Variants in NEXN observed in about 807,000 individuals in gnomAD.
NEXN encodes nexilin.
In NEXN, 65 loss-of-function variants were observed where a neutral mutation model predicts 92.6. The observed-to-expected ratio is 0.70, with a 90% CI of 0.57 to 0.86. The LOEUF (loss-of-function observed/expected upper bound fraction) is 0.86, where lower values mean the gene tolerates loss of function less well. Ranked by LOEUF, NEXN falls within the 40% of genes least tolerant of loss-of-function variation. The pLI, the probability that NEXN is intolerant of heterozygous loss-of-function variation, is 0.00. For synonymous variants in NEXN, 254 were observed against 242.5 expected (o/e 1.05, Z -0.44); for missense variants, 778 against 771.1 (o/e 1.01, Z -0.11).
intron 1 of NEXN, among the ~76,000 whole-genome samples, chr1:77,891,088 C>T (rs545514178): frequency 6.6e-6 from 1 of 152,116 alleles, no homozygotes; most frequent in African/African-American, 2.4e-5. Context: ...GAAATGGCTA[C>T]ATTTTCCTTT....
chr1:77,930,657 CTT>C (rs1379672655), intron 9 of NEXN, among the ~76,000 whole-genome samples: 1 of 144,102 alleles, frequency 6.9e-6, no homozygotes, highest in African/African-American at 2.4e-5. Context: ...TGAATCTGCT[CTT>C]TGTTCCAAAT....
At chr1:77,928,162 A>G (rs1193880167) in intron 8 of NEXN, among the ~76,000 whole-genome samples, 1 of 151,962 alleles carries the variant, frequency 6.6e-6, no homozygotes, top group Non-Finnish European at 1.5e-5. Context: ...AAATACAAAA[A>G]TTAGCCAGGT....
At chr1:77,911,775 A>C (rs1008468678) in intron 1 of NEXN, among the ~76,000 whole-genome samples, 1 of 150,912 alleles carries the variant, frequency 6.6e-6, no homozygotes, top group East Asian at 1.9e-4. Context: ...ATATATTCCA[A>C]AATCCAAAAA....
chr1:77,935,461 T>C (rs1650672751), intron 10 of NEXN, among the ~76,000 whole-genome samples: 1 of 152,262 alleles, frequency 6.6e-6, no homozygotes, highest in South Asian at 2.1e-4. Context: ...CAGAGGATTT[T>C]AGCCATATTT....
At chr1:77,941,909 A>G in intron 11 of NEXN, 114 bp from the exon 12 acceptor site, 1 of 1,046,910 alleles carries the variant, frequency 9.6e-7, no homozygotes, top group Admixed American at 2.1e-5. Context: ...TGTAGCAAAA[A>G]TATGCATTAT....
intron 1 of NEXN, among the ~76,000 whole-genome samples, chr1:77,904,121 T>C (rs914178162): frequency 5.9e-5 from 9 of 151,986 alleles, no homozygotes; most frequent in African/African-American, 2.2e-4. Flanking sequence ...GCCTTCCTAG[T>C]AGCTGACATA....
At position 77,936,008 on chromosome 1, in the gene NEXN, T is replaced by C; in HGVS notation, c.1437T>C (p.Leu479=). 1 of 1,613,798 alleles carries C rather than the reference T, an allele frequency of 6.2e-7. No homozygotes were observed. Residue 479 remains leucine, a synonymous_variant, in exon 11 of 13, where the codon CTT becomes CTC. Coordinates refer to ENST00000334785, the MANE Select transcript of NEXN (RefSeq NM_144573.4). ...EERARRRAID[L]EIKEREAENF... Reference sequence around the variant, plus strand: ...GAGCAAGAAGGAGAGCAATTGACCTTGAAATTAAAGAGCGAGAAGCTGAAA... The same window carrying C: ...GAGCAAGAAGGAGAGCAATTGACCTCGAAATTAAAGAGCGAGAAGCTGAAA...
At chr1:77,928,720 C>T (rs961840384) in intron 8 of NEXN, among the ~76,000 whole-genome samples, 3 of 151,982 alleles carry the variant, frequency 2.0e-5, no homozygotes, top group Non-Finnish European at 2.9e-5. Flanking sequence ...TATTTTACTA[C>T]CAAAGAGATT....
intron 1 of NEXN, chr1:77,889,226 C>T (rs1167646750): frequency 6.5e-6 from 1 of 152,896 alleles, no homozygotes; most frequent in Non-Finnish European, 1.5e-5. Flanking sequence ...CGGTCTCCGT[C>T]TCTGCCAGCA....
intron 1 of NEXN, among the ~76,000 whole-genome samples, chr1:77,895,267 G>T (rs1324138571): frequency 6.6e-6 from 1 of 151,532 alleles, no homozygotes; most frequent in Non-Finnish European, 1.5e-5. Context: ...GGATGGTCTC[G>T]ATCTCCTGAC....
chr1:77,915,999 T>C, intron 1 of NEXN, 56 bp from the exon 2 acceptor site: 2 of 546,482 alleles, frequency 3.7e-6, no homozygotes, highest in Non-Finnish European at 2.7e-6. Flanking sequence ...TTTATAAAAA[T>C]ACATAATATA....
chr1:77,935,598 TAAG>T (rs1650684459), intron 10 of NEXN, among the ~76,000 whole-genome samples: 1 of 152,234 alleles, frequency 6.6e-6, no homozygotes. Flanking sequence ...TGGTTTCAAA[TAAG>T]AAATAGTGCA....
chr1:77,908,646 C>T (rs186382199), intron 1 of NEXN, among the ~76,000 whole-genome samples: 2 of 151,906 alleles, frequency 1.3e-5, no homozygotes, highest in East Asian at 3.9e-4. Context: ...GTGATCTGCC[C>T]GCCTCAACCT....
chr1:77,910,578 C>G (rs1557968656), intron 1 of NEXN, among the ~76,000 whole-genome samples: 2 of 151,930 alleles, frequency 1.3e-5, no homozygotes, highest in South Asian at 4.2e-4. Context: ...TAGTGAAACC[C>G]TGTCTCTACT....
At position 77,933,450 on chromosome 1, in the gene NEXN, T is replaced by C. The variant is rs794729083; in HGVS notation, c.1222T>C (p.Phe408Leu). 3.1e-6 allele frequency: 5 copies of C among 1,612,614 alleles called. No homozygotes were observed. The highest frequency in any genetic ancestry group is 1.3e-5 in the African/African-American group (1 of 74,874). ...TAAGCTAGAAATGGAGAAACAAGAATTTGAACAACTGAGACAGGAAATGGG... is the reference window on the plus strand; with the variant it reads ...TAAGCTAGAAATGGAGAAACAAGAACTTGAACAACTGAGACAGGAAATGGG... ...KHKLEMEKQE[F>L]EQLRQEMGEE... Residue 408 changes from phenylalanine to leucine, a missense_variant, in exon 10 of 13, where the codon TTT becomes CTT. By Grantham distance (22) the Phe-to-Leu change is conservative (BLOSUM62 0). Coordinates refer to ENST00000334785, the MANE Select transcript of NEXN (RefSeq NM_144573.4).
chr1:77,922,668 G>A (rs991897935), intron 5 of NEXN, among the ~76,000 whole-genome samples: 29 of 151,104 alleles, frequency 1.9e-4, no homozygotes, highest in African/African-American at 6.8e-4. Flanking sequence ...CACGATCTCA[G>A]CTCACTGCAA....
At chr1:77,936,165 T>A (rs1650747392) in intron 11 of NEXN, 121 bp downstream of exon 11, 3 of 717,458 alleles carry the variant, frequency 4.2e-6, no homozygotes, top group Non-Finnish European at 7.1e-6. Context: ...TATACAGTAA[T>A]CTGGGAAGTA....
In NEXN at chr1:77,917,984, G is replaced by C. The variant is rs199720912; in HGVS notation, c.244G>C (p.Asp82His). ...QEIKEMLASD[D>H]EEDVSSKVEK... ...GATTAAAGAAATGCTTGCTTCTGAT[G>C]ATGAGGAAGATGTATCTTCTAAAGT... The change falls in exon 4 of 13, where the codon GAT (aspartate) becomes CAT (histidine). Residue 82 changes from aspartate to histidine, a missense_variant. Physicochemically the swap from Asp to His is moderately conservative, Grantham distance 81. Around this residue, in one of 3 missense-constraint regions of NEXN, gnomAD observed 236 missense variants for 265.6 expected, o/e 0.89. Coordinates refer to ENST00000334785, the MANE Select transcript of NEXN (RefSeq NM_144573.4). 6.2e-7 allele frequency: 1 copy of C among 1,613,288 alleles called. No homozygotes were observed. Among genetic ancestry groups the C allele is most frequent in the Non-Finnish European group, 8.5e-7 (1 of 1,179,546 alleles).
intron 3 of NEXN, 26 bp downstream of exon 3, chr1:77,917,783 T>G: frequency 1.3e-6 from 2 of 1,552,164 alleles, no homozygotes; most frequent in Non-Finnish European, 1.8e-6. Flanking sequence ...TTTATTCTCG[T>G]GAAAATATTT....
Sources: allele counts gnomAD v4.1 joint callset (sites outside exome capture counted in the v4.1 genomes callset), GRCh38; gene constraint gnomAD v4.1.1; regional missense constraint gnomAD v4.1.1; transcripts MANE v1.5; gene names NCBI Gene and HGNC (gene_info 2026-07-23, HGNC 2026-07-21).